The following ZFP30 variants were observed in gnomAD, a reference collection of about 807,000 sequenced individuals.
ZFP30 encodes the protein zinc finger protein 30 homolog.
In ZFP30, 16 loss-of-function variants were observed where a neutral mutation model predicts 12.3. The ratio of observed to expected loss-of-function variants is 1.30; its 90% confidence interval spans 0.88 to 1.98. The LOEUF is 1.98. ZFP30 is among the 30% of genes most tolerant of loss of function. The pLI is 0.00. For missense variants in ZFP30, 560 were observed against 611.2 expected, an observed-to-expected ratio of 0.92 and a Z score of 0.88; for synonymous variants, 172 against 201.0, an observed-to-expected ratio of 0.86 and a Z score of 1.22.
chr19:37,643,939 C>T lies in ZFP30; in HGVS notation c.137-576G>A, dbSNP rs1050056245. On this transcript the variant is annotated intron_variant, in intron 4 of 5. Coordinates refer to ENST00000684514, the MANE Select transcript of ZFP30 (RefSeq NM_001320669.3). ...GAGTTTTAACAAACTGTCAATTCAA[C>T]CCAGCATCACATACACTGTAAAAGC... Among the ~76,000 whole-genome samples, 3 of 152,152 alleles carry T rather than the reference C, an allele frequency of 2.0e-5. No homozygotes were observed. The East Asian group carries it at 5.8e-4, about 29-fold the overall frequency.
chr19:37,646,777 T>C (rs2044551876), intron 3 of ZFP30, among the ~76,000 whole-genome samples: 1 of 152,160 alleles, frequency 6.6e-6, no homozygotes. Context: ...GTTTTGTTTT[T>C]TTAAGAGATG....
chr19:37,638,823 G>T (rs1269749078), intron 5 of ZFP30, among the ~76,000 whole-genome samples: 1 of 151,986 alleles, frequency 6.6e-6, no homozygotes, highest in Non-Finnish European at 1.5e-5. Context: ...AGTCTTGGTG[G>T]GGAGGAATGA....
chr19:37,635,751 GA>G lies in ZFP30; in HGVS notation c.789del (p.His264ThrfsTer28). ...VRGQLNLHQR[I>X]HTGEKPYECK... ...CATTCATAGGGTTTCTCACCCGTGT[GA>G]ATCCTTTGATGGAGATTAAGTTGTC... On this transcript the variant is annotated frameshift_variant, in exon 6 of 6. Transcript: ENST00000684514. LOFTEE classifies it low-confidence loss of function (END_TRUNC). 1 of 1,614,178 alleles carries G rather than the reference GA, an allele frequency of 6.2e-7. No homozygotes were observed.
At chr19:37,644,566 C>T (rs1387226026) in intron 4 of ZFP30, 44 bp downstream of exon 4, 2 of 1,506,170 alleles carry the variant, frequency 1.3e-6, no homozygotes, top group Non-Finnish European at 1.8e-6. Flanking sequence ...GAAATTCAGT[C>T]CTGTGAATGT....
At chr19:37,652,493 G>A (rs1023717065) in intron 2 of ZFP30, among the ~76,000 whole-genome samples, 6 of 152,058 alleles carry the variant, frequency 3.9e-5, no homozygotes, top group South Asian at 4.1e-4. Context: ...ACTTGAACCC[G>A]GGAGGCGGAG....
intron 2 of ZFP30, among the ~76,000 whole-genome samples, chr19:37,652,364 C>G (rs969373966): frequency 5.9e-5 from 9 of 151,946 alleles, no homozygotes; most frequent in African/African-American, 1.9e-4. Flanking sequence ...GTCAGGAGTT[C>G]GAGACCAGCT....
At position 37,635,111 on chromosome 19, in the gene ZFP30, A is replaced by T; in HGVS notation, c.1430T>A (p.Leu477His). 1 of 1,613,600 alleles carries T rather than the reference A, an allele frequency of 6.2e-7. No individual in the cohort carries two copies. The highest frequency in any genetic ancestry group is 8.5e-7 in the Non-Finnish European group (1 of 1,179,802). The part of the protein sequence containing the change: ...DCKECGKAFR[L>H]HSSLIQHQRI... ...CTGATGTTGAATCAGTGATGAATGAAGTCTAAAGGCCTTTCCACATTCCTT... is the reference window on the plus strand; with the variant it reads ...CTGATGTTGAATCAGTGATGAATGATGTCTAAAGGCCTTTCCACATTCCTT... Residue 477 changes from leucine (L) to histidine (H), a missense_variant, in exon 6 of 6, where the codon CTT becomes CAT. Coordinates refer to ENST00000684514, the MANE Select transcript of ZFP30 (RefSeq NM_001320669.3).
At chr19:37,648,156 G>A (rs1040145141) in intron 2 of ZFP30, among the ~76,000 whole-genome samples, 3 of 152,196 alleles carry the variant, frequency 2.0e-5, no homozygotes, top group Admixed American at 2.0e-4. Flanking sequence ...CAGGAGGGCT[G>A]CCAGTTGGTC....
chr19:37,637,599 C>G (rs1360217708), intron 5 of ZFP30, among the ~76,000 whole-genome samples: 1 of 152,142 alleles, frequency 6.6e-6, no homozygotes, highest in Non-Finnish European at 1.5e-5. Context: ...AAGCAATTCT[C>G]GTGTCTCAGC....
Position 37,631,821 on chromosome 19 carries a change from G to A in ZFP30, c.*3160C>T, listed in dbSNP as rs2044238565. On this transcript the variant is annotated 3_prime_UTR_variant, in exon 6 of 6. Transcript: ENST00000684514. ...ATATAATTAAAGCTGGATGGATCTG[G>A]TCCAAGTTATTCCACATAAATGATT... 6.6e-6 allele frequency: 1 copy of A among 152,042 alleles called. No homozygotes were observed. Among genetic ancestry groups the A allele is most frequent in the African/African-American group, 2.4e-5 (1 of 41,392 alleles). 9.4% of individuals were successfully genotyped at this position (152,042 alleles called of 1,614,324 possible).
chr19:37,638,691 T>C (rs922004896), intron 5 of ZFP30, among the ~76,000 whole-genome samples: 1 of 152,140 alleles, frequency 6.6e-6, no homozygotes, highest in Non-Finnish European at 1.5e-5. Flanking sequence ...CAAGGGCTAA[T>C]CTCAAAAACA....
intron 5 of ZFP30, among the ~76,000 whole-genome samples, chr19:37,639,121 T>C (rs1339500259): frequency 6.6e-6 from 1 of 152,076 alleles, no homozygotes; most frequent in Non-Finnish European, 1.5e-5. Context: ...TCTTTCTCTG[T>C]CTCCCCATCC....
chr19:37,644,387 A>G, intron 4 of ZFP30: 1 of 298,870 alleles, frequency 3.3e-6, no homozygotes, highest in Non-Finnish European at 6.1e-6. Context: ...TACAAAAATT[A>G]GCTGGGTGTG....
rs2044238363 is a variant in ZFP30, at chr19:37,631,799, T to C, written c.*3182A>G. ...GTAGAATGCCTAGAATCTAAATATA[T>C]AATTAAAGCTGGATGGATCTGGTCC... On this transcript the variant is annotated 3_prime_UTR_variant, in exon 6 of 6. Coordinates refer to ENST00000684514, the MANE Select transcript of ZFP30 (RefSeq NM_001320669.3). 1 of 152,068 alleles carries C rather than the reference T, an allele frequency of 6.6e-6. No individual in the cohort carries two copies. The highest frequency in any genetic ancestry group is 2.1e-4 in the South Asian group (1 of 4,830). 9.4% of individuals were successfully genotyped at this position (152,068 alleles called of 1,614,324 possible).
At position 37,635,385 on chromosome 19, in the gene ZFP30, C is replaced by G. The variant is rs142492809; in HGVS notation, c.1156G>C (p.Glu386Gln). 6.2e-6 allele frequency: 10 copies of G among 1,613,932 alleles called. No individual in the cohort carries two copies. The African/African-American group carries it at 1.1e-4, about 17-fold the overall frequency. The change falls in exon 6 of 6, where the codon GAA becomes CAA. Residue 386 changes from glutamate (E) to glutamine (Q), a missense_variant. Physicochemically the swap from Glu to Gln is conservative, Grantham distance 29. Transcript: ENST00000684514. ...TAACGACGAAAGAACTTCTGACATT[C>G]CTTACATTCATAGGGCTTTTCACCA... is the stretch of plus-strand genomic sequence containing the variant. ...HTGEKPYECK[E>Q]CQKFFRRYSE... is the part of the protein sequence containing the mutation.
chr19:37,644,883 G>T, intron 3 of ZFP30, 147 bp from the exon 4 acceptor site: 1 of 740,800 alleles, frequency 1.3e-6, no homozygotes, highest in Non-Finnish European at 2.1e-6. Flanking sequence ...AGGAGTTTGA[G>T]ACCAGCCTAG....
At chr19:37,645,536 G>T (rs988240333) in intron 3 of ZFP30, among the ~76,000 whole-genome samples, 1 of 149,438 alleles carries the variant, frequency 6.7e-6, no homozygotes, top group Admixed American at 6.8e-5. Context: ...ACAGCTTGTG[G>T]GCCAGATTTA....
chr19:37,655,644 T>G (rs1016407395), upstream of ZFP30: 1 of 152,362 alleles, frequency 6.6e-6, no homozygotes, highest in Non-Finnish European at 1.5e-5. Context: ...CTACCTGTAA[T>G]GGCCGCCCCG....
At chr19:37,647,993 C>T (rs1476247535) in intron 2 of ZFP30, 94 bp from the exon 3 acceptor site, 6 of 651,262 alleles carry the variant, frequency 9.2e-6, no homozygotes, top group East Asian at 2.7e-5. Flanking sequence ...CTATATGCAA[C>T]TCCCACCCCC....
Sources: allele counts gnomAD v4.1 joint callset (sites outside exome capture counted in the v4.1 genomes callset), GRCh38; gene constraint gnomAD v4.1.1; transcripts MANE v1.5; gene names NCBI Gene and HGNC (gene_info 2026-07-23, HGNC 2026-07-21).